NHS: variants seen among roughly 807,000 people sequenced by gnomAD.
NHS encodes the protein actin remodeling regulator NHS.
Under a neutral mutation model 72.5 loss-of-function variants are expected in NHS, and 5 were observed. That is an observed-to-expected ratio of 0.07 (90% CI 0.04 to 0.14). The LOEUF is 0.14. Among genes scored for constraint, NHS ranks in the 10% least tolerant of loss-of-function variants. The pLI is 1.00. For synonymous variants in NHS, 464 were observed against 547.7 expected, an observed-to-expected ratio of 0.85 and a Z score of 2.13; for missense variants, 1,072 against 1,355.7, an observed-to-expected ratio of 0.79 and a Z score of 3.29.
chrX:17,611,783 T>C (rs189876233), intron 1 of NHS, among the ~76,000 whole-genome samples: 49 of 111,379 alleles, frequency 4.4e-4, no homozygotes, highest in African/African-American at 1.3e-3. Flanking sequence ...AAATCCATAC[T>C]ATTAAGGAGG....
At chrX:17,559,873 T>C (rs766987759) in intron 1 of NHS, among the ~76,000 whole-genome samples, 1 of 111,696 alleles carries the variant, frequency 9.0e-6, no homozygotes, top group Non-Finnish European at 1.9e-5. Flanking sequence ...CTCCAGTTAC[T>C]CGCTAACTCT....
At position 17,725,580 on chromosome X, in the gene NHS, A is replaced by G. The variant is rs1174376303; in HGVS notation, c.1474A>G (p.Thr492Ala). 1 of 1,209,663 alleles carries G rather than the reference A, an allele frequency of 8.3e-7. No individual in the cohort carries two copies. The highest frequency in any genetic ancestry group is 1.1e-6 in the Non-Finnish European group (1 of 895,175). Reference protein sequence around the residue: ...NISALADKGDTMFTPAVSSRT... With the variant: ...NISALADKGDAMFTPAVSSRT... The stretch of plus-strand genomic sequence containing the variant: ...TTCTGCCCTAGCAGACAAAGGTGAC[A>G]CCATGTTTACTCCTGCAGTGAGCAG... Residue 492 changes from threonine (T) to alanine (A), a missense_variant, in exon 7 of 9, where the codon ACC (threonine) becomes GCC (alanine). Coordinates refer to ENST00000676302, the MANE Select transcript of NHS (RefSeq NM_001291867.2).
At chrX:17,666,971 T>C (rs954499327) in intron 1 of NHS, among the ~76,000 whole-genome samples, 20 of 111,822 alleles carry the variant, frequency 1.8e-4, no homozygotes, top group African/African-American at 5.9e-4. Flanking sequence ...CTGGGAAATA[T>C]GGATGTGGAA....
chrX:17,482,260 G>A (rs926973831), intron 1 of NHS, among the ~76,000 whole-genome samples: 1 of 111,804 alleles, frequency 8.9e-6, no homozygotes, highest in African/African-American at 3.3e-5. Context: ...CAGTGGGAAG[G>A]ATAAGAGACA....
intron 1 of NHS, among the ~76,000 whole-genome samples, chrX:17,660,456 C>A (rs1299626501): frequency 8.9e-6 from 1 of 112,235 alleles, no homozygotes; most frequent in Non-Finnish European, 1.9e-5. Flanking sequence ...AAGATACAAG[C>A]CAATCTATTG....
At chrX:17,513,676 C>T (rs1390303883) in intron 1 of NHS, among the ~76,000 whole-genome samples, 1 of 111,858 alleles carries the variant, frequency 8.9e-6, no homozygotes, top group Non-Finnish European at 1.9e-5. Context: ...TGGTTTCGAC[C>T]AGTGGGTCTC....
At chrX:17,394,009 C>A (rs113793257) in intron 1 of NHS, among the ~76,000 whole-genome samples, 3 of 111,676 alleles carry the variant, frequency 2.7e-5, no homozygotes, top group African/African-American at 9.8e-5. Flanking sequence ...ATTCCGCCCC[C>A]CCACCGCACC....
intron 1 of NHS, among the ~76,000 whole-genome samples, chrX:17,467,306 T>C (rs2064874937): frequency 8.9e-6 from 1 of 112,183 alleles, no homozygotes; most frequent in Non-Finnish European, 1.9e-5. Flanking sequence ...TCATCTAGTT[T>C]CCCAGAACTG....
In NHS at chrX:17,732,739, C is replaced by T. The variant is rs755726193; in HGVS notation, c.*275C>T. ...TCCTTCCTTGTGAAAATAGAGGATACAAAATTGTCTAATTTTCATGACACC... is the reference window on the plus strand; with the variant it reads ...TCCTTCCTTGTGAAAATAGAGGATATAAAATTGTCTAATTTTCATGACACC... On this transcript the variant is annotated 3_prime_UTR_variant, in exon 9 of 9. Coordinates refer to ENST00000676302, the MANE Select transcript of NHS (RefSeq NM_001291867.2). 1 of 338,602 alleles carries T rather than the reference C, an allele frequency of 3.0e-6. No individual in the cohort carries two copies. The highest frequency in any genetic ancestry group is 5.1e-6 in the Non-Finnish European group (1 of 194,514). The allele number at this position is 338,602 out of a possible 1,213,427, so 27.9% of individuals were successfully genotyped here. A position where few individuals can be genotyped will look rare whatever the true frequency, so the allele number is the denominator to read the frequency against.
chrX:17,432,736 G>T (rs2064699453), intron 1 of NHS, among the ~76,000 whole-genome samples: 1 of 110,212 alleles, frequency 9.1e-6, no homozygotes, highest in Non-Finnish European at 1.9e-5. Context: ...CCATTAAATT[G>T]CTAGGTGTTT....
chrX:17,714,368 C>T (rs934387333), intron 3 of NHS, among the ~76,000 whole-genome samples: 1 of 111,235 alleles, frequency 9.0e-6, no homozygotes, highest in Non-Finnish European at 1.9e-5. Flanking sequence ...TCCTACCACA[C>T]TTATTCTGGG....
chrX:17,666,608 T>G (rs1002887747), intron 1 of NHS, among the ~76,000 whole-genome samples: 1 of 112,285 alleles, frequency 8.9e-6, no homozygotes, highest in Non-Finnish European at 1.9e-5. Context: ...ACCAAGTGAA[T>G]GAATGAAAGC....
At chrX:17,386,663 C>CAAAAAAAAAAAAAAAAA (rs1184465152) in intron 1 of NHS, among the ~76,000 whole-genome samples, 1 of 38,436 alleles carries the variant, frequency 2.6e-5, no homozygotes, top group African/African-American at 9.0e-5. Context: ...AACTCTGTCT[C>CAAAAAAAAAAAAAAAAA]AAAAAAAAAA....
intron 1 of NHS, among the ~76,000 whole-genome samples, chrX:17,393,278 A>G (rs1601686251): frequency 2.2e-5 from 2 of 91,539 alleles, no homozygotes; most frequent in Non-Finnish European, 4.6e-5. Flanking sequence ...CTGTACCTAG[A>G]CTTTCTGATC....
intron 1 of NHS, among the ~76,000 whole-genome samples, chrX:17,622,870 C>T (rs1451488257): frequency 1.8e-5 from 2 of 111,147 alleles, no homozygotes; most frequent in Non-Finnish European, 3.8e-5. Flanking sequence ...GAGGGCTCCA[C>T]GGGCGGGCCA....
intron 1 of NHS, among the ~76,000 whole-genome samples, chrX:17,510,260 C>A (rs2065080870): frequency 8.9e-6 from 1 of 112,455 alleles, no homozygotes; most frequent in Non-Finnish European, 1.9e-5. Flanking sequence ...AAGAGCTAGG[C>A]ACAGAATTCT....
rs2066511786 is a variant in NHS at position 17,734,850 on chromosome X, C to G, written c.*2386C>G. ...CTTTCGTAATTTCATAAAAGCAGTT[C>G]GTTTGCAGTATGGCTTTTGTGTAGT... On this transcript the variant is annotated 3_prime_UTR_variant, in exon 9 of 9. Coordinates refer to ENST00000676302, the MANE Select transcript of NHS (RefSeq NM_001291867.2). 1 of 112,221 alleles carries G rather than the reference C, an allele frequency of 8.9e-6. No individual in the cohort carries two copies. The highest frequency in any genetic ancestry group is 3.7e-4 in the South Asian group (1 of 2,685). The allele number at this position is 112,221 out of a possible 1,213,427, so 9.2% of individuals were successfully genotyped here. A position where few individuals can be genotyped will look rare whatever the true frequency, so the allele number is the denominator to read the frequency against.
chrX:17,657,414 G>T (rs72616045), intron 1 of NHS, among the ~76,000 whole-genome samples: 1 of 10 alleles, frequency 0.1, no homozygotes, highest in East Asian at 0.5. Context: ...CAAAGATAAC[G>T]AGCATCTAAA....
chrX:17,468,605 T>G (rs2064879610), intron 1 of NHS, among the ~76,000 whole-genome samples: 1 of 110,657 alleles, frequency 9.0e-6, no homozygotes, highest in Non-Finnish European at 1.9e-5. Context: ...CAGGCTGGAG[T>G]GCAGTGACAT....
Sources: allele counts gnomAD v4.1 joint callset (sites outside exome capture counted in the v4.1 genomes callset), GRCh38; gene constraint gnomAD v4.1.1; transcripts MANE v1.5; gene names NCBI Gene and HGNC (gene_info 2026-07-23, HGNC 2026-07-21).